The following KAT2B variants were observed in gnomAD, a reference collection of about 807,000 sequenced individuals.
KAT2B encodes the protein histone acetyltransferase KAT2B.
KAT2B carries 36 observed loss-of-function variants against 105.9 expected under a neutral mutation model. The ratio of observed to expected loss-of-function variants is 0.34; its 90% CI spans 0.26 to 0.45. The LOEUF is 0.45. Among genes scored for constraint, KAT2B ranks in the 20% least tolerant of loss-of-function variants. The pLI, the probability that KAT2B is intolerant of heterozygous loss-of-function variation, is 1.00. For synonymous variants in KAT2B, 397 were observed against 377.9 expected (o/e 1.05, Z -0.59); for missense variants, 820 against 1,021.6 (o/e 0.80, Z 2.69).
At chr3:20,148,036 A>AT (rs60728324) in intron 15 of KAT2B, 37 bp downstream of exon 15, 89,899 of 1,332,598 alleles carry the variant, frequency 0.067, 584 homozygotes, top group Non-Finnish European at 0.073. Context: ...AATGGAAGTG[A>AT]TTTTTTTTTT....
chr3:20,121,732 ATGTG>A (rs3840188), intron 8 of KAT2B, among the ~76,000 whole-genome samples: 10,892 of 109,314 alleles, frequency 0.1, 575 homozygotes, highest in East Asian at 0.27. Context: ...ACATATGCAT[ATGTG>A]TGTGTGTGTG....
intron 6 of KAT2B, among the ~76,000 whole-genome samples, chr3:20,112,274 A>C (rs1010325627): frequency 1.4e-4 from 21 of 151,974 alleles, no homozygotes; most frequent in Admixed American, 3.9e-4. Context: ...ACTAGACTGC[A>C]AAAGCAGGGA....
intron 13 of KAT2B, among the ~76,000 whole-genome samples, chr3:20,143,186 A>C (rs931198023): frequency 6.6e-6 from 1 of 152,194 alleles, no homozygotes; most frequent in Non-Finnish European, 1.5e-5. Context: ...CAGGAGAAGA[A>C]GATGAGGACA....
In KAT2B at chr3:20,140,275, G is replaced by A; in HGVS notation, c.1915G>A (p.Asp639Asn). 1 of 1,611,454 alleles carries A rather than the reference G, an allele frequency of 6.2e-7. No individual in the cohort carries two copies. The highest frequency in any genetic ancestry group is 1.1e-5 in the South Asian group (1 of 91,016). The change falls in exon 13 of 18, where the codon GAT (aspartate) becomes AAT (asparagine). Residue 639 changes from aspartate (D) to asparagine (N), a missense_variant. Asp to Asn is a conservative substitution (Grantham distance 23). Transcript: ENST00000263754. ...AACCAAATATGTTGGCTATATCAAG[G>A]ATTATGAAGGAGCCACTTTAATGGG... ...PKTKYVGYIK[D>N]YEGATLMGCE...
At chr3:20,123,038 T>C (rs1699338513) in intron 9 of KAT2B, 7 of 783,230 alleles carry the variant, frequency 8.9e-6, no homozygotes, top group Non-Finnish European at 1.1e-5. Flanking sequence ...GTTGAAGGCA[T>C]CATTCCCAGC....
chr3:20,072,286 C>T (rs747550075), intron 1 of KAT2B, 47 bp from the exon 2 acceptor site: 11 of 1,595,116 alleles, frequency 6.9e-6, no homozygotes, highest in South Asian at 2.2e-5. Context: ...CATCAGTCCA[C>T]GGCTGCCTGT....
chr3:20,076,731 A>G (rs1559303392), intron 2 of KAT2B, among the ~76,000 whole-genome samples: 1 of 152,134 alleles, frequency 6.6e-6, no homozygotes, highest in South Asian at 2.1e-4. Flanking sequence ...ATTCATGCAG[A>G]TATCTTCTTA....
chr3:20,084,503 A>G (rs1698579501), intron 2 of KAT2B, among the ~76,000 whole-genome samples: 2 of 151,920 alleles, frequency 1.3e-5, no homozygotes, highest in South Asian at 2.1e-4. Context: ...CCCCATCTCC[A>G]TCTCCCTATT....
intron 1 of KAT2B, among the ~76,000 whole-genome samples, chr3:20,053,280 G>A (rs769055854): frequency 1.3e-5 from 2 of 152,164 alleles, no homozygotes; most frequent in Non-Finnish European, 2.9e-5. Flanking sequence ...TCCCAGGTGT[G>A]GGATCCTACT....
intron 5 of KAT2B, among the ~76,000 whole-genome samples, chr3:20,107,119 A>G (rs1031584872): frequency 1.6e-5 from 2 of 127,720 alleles, no homozygotes; most frequent in Admixed American, 1.8e-4. Flanking sequence ...TGCAACCTCC[A>G]CCTCCTGGGT....
intron 5 of KAT2B, among the ~76,000 whole-genome samples, chr3:20,107,092 G>A (rs1699034852): frequency 8.1e-6 from 1 of 123,658 alleles, no homozygotes; most frequent in Admixed American, 9.7e-5. Context: ...GGGTGCAGTG[G>A]TGCAATCTTG....
intron 5 of KAT2B, among the ~76,000 whole-genome samples, chr3:20,107,605 C>A (rs944794022): frequency 7.0e-6 from 1 of 143,350 alleles, no homozygotes; most frequent in African/African-American, 2.6e-5. Flanking sequence ...TGCAGTGAGT[C>A]GAGATCATGC....
At chr3:20,051,581 A>G (rs536713617) in intron 1 of KAT2B, among the ~76,000 whole-genome samples, 14 of 152,270 alleles carry the variant, frequency 9.2e-5, no homozygotes, top group African/African-American at 3.4e-4. Context: ...CACCTTTCTT[A>G]TGTGGGCCTA....
rs541208326 is a variant in KAT2B, at chr3:20,050,461, T to C, written c.303+9681T>C. Among the ~76,000 whole-genome samples the C allele has an allele frequency of 2.6e-5, 4 of 152,278 alleles. No individual in the cohort carries two copies. The South Asian group carries it at 8.3e-4, about 32-fold the overall frequency. ...CCTCCTCCCCACTCCTGGTAATCCT[T>C]ATTCTGACTTCTATTACCAGAGATT... On this transcript the variant is annotated intron_variant, in intron 1 of 17. Transcript: ENST00000263754.
At position 20,103,355 on chromosome 3, in the gene KAT2B, AAGG is replaced by A. The variant is rs563491075; in HGVS notation, c.851+1890_851+1892del. Among the ~76,000 whole-genome samples, 345 of 152,304 alleles carry A rather than the reference AAGG, an allele frequency of 2.3e-3. 2 individuals carry two copies. Among genetic ancestry groups the A allele is most frequent in the African/African-American group, 8.1e-3 (335 of 41,572 alleles). On this transcript the variant is annotated intron_variant, in intron 5 of 17. Coordinates refer to ENST00000263754, the MANE Select transcript of KAT2B (RefSeq NM_003884.5). ...AGAAAATAATCGTTTCATCAAGAAA[AAGG>A]AGAATTAATTGTGAAGCAGCTTGGG... is the stretch of plus-strand genomic sequence containing the variant.
intron 5 of KAT2B, among the ~76,000 whole-genome samples, chr3:20,107,009 ATATATATTTTTTTTTTTTTTTTTTTTT>A (rs1699029818): frequency 1.2e-4 from 3 of 24,650 alleles, no homozygotes; most frequent in Admixed American, 1.8e-3. Context: ...ATATATATAT[ATATATATTTTTTTTTTTTTTTTTTTTT>A]TTTTTTTTTT....
chr3:20,091,883 T>G (rs1314079236), intron 2 of KAT2B, among the ~76,000 whole-genome samples: 7 of 152,184 alleles, frequency 4.6e-5, no homozygotes. Flanking sequence ...GCAAAAATGC[T>G]ATTATTTTTG....
At chr3:20,125,237 G>T (rs540411852) in intron 9 of KAT2B, among the ~76,000 whole-genome samples, 1 of 151,292 alleles carries the variant, frequency 6.6e-6, no homozygotes, top group Non-Finnish European at 1.5e-5. Flanking sequence ...CCCGGGAGGC[G>T]GAGCTTGCAG....
chr3:20,096,946 GGAAA>G (rs1246462227), intron 3 of KAT2B, among the ~76,000 whole-genome samples: 38 of 82,196 alleles, frequency 4.6e-4, no homozygotes, highest in African/African-American at 1.9e-3. Context: ...AAGAATAATA[GGAAA>G]GAGAGAGAGA....
Sources: allele counts gnomAD v4.1 joint callset (sites outside exome capture counted in the v4.1 genomes callset), GRCh38; gene constraint gnomAD v4.1.1; transcripts MANE v1.5; gene names NCBI Gene and HGNC (gene_info 2026-07-23, HGNC 2026-07-21).